SULF1: variants seen among roughly 807,000 people sequenced by gnomAD.
The protein encoded by SULF1 is sulfatase 1.
SULF1 carries 46 observed loss-of-function variants against 110.5 expected under a neutral mutation model. That is an observed-to-expected ratio of 0.42 (90% CI 0.33 to 0.53). SULF1 has a LOEUF of 0.53. Ranked by LOEUF, SULF1 falls within the 20% of genes least tolerant of loss-of-function variation. The pLI, the probability that SULF1 is intolerant of heterozygous loss-of-function variation, is 0.12. For synonymous variants in SULF1, 371 were observed against 387.1 expected (o/e 0.96, Z 0.49); for missense variants, 941 against 1,094.2 (o/e 0.86, Z 1.98).
intron 3 of SULF1, among the ~76,000 whole-genome samples, chr8:69,555,663 A>G (rs1815064803): frequency 6.6e-6 from 1 of 152,056 alleles, no homozygotes; most frequent in South Asian, 2.1e-4. Context: ...CTCAAAAAAA[A>G]AAAAGTATGC....
chr8:69,501,009 A>G (rs1275141232), intron 2 of SULF1, among the ~76,000 whole-genome samples: 1 of 152,202 alleles, frequency 6.6e-6, no homozygotes, highest in Non-Finnish European at 1.5e-5. Context: ...TTCCAGGCCT[A>G]TGGAGGGAAA....
At chr8:69,504,650 T>C (rs576079998) in intron 3 of SULF1, among the ~76,000 whole-genome samples, 11 of 152,358 alleles carry the variant, frequency 7.2e-5, no homozygotes, top group Non-Finnish European at 1.6e-4. Context: ...TGAAAATCTA[T>C]GGATTCTGTA....
intron 2 of SULF1, among the ~76,000 whole-genome samples, chr8:69,497,379 A>G (rs916088959): frequency 2.6e-5 from 4 of 151,792 alleles, no homozygotes; most frequent in Non-Finnish European, 4.4e-5. Context: ...GCTGATCTCA[A>G]ACTCCTGATC....
chr8:69,575,542 T>C (rs1049413873), intron 5 of SULF1, among the ~76,000 whole-genome samples: 1 of 152,006 alleles, frequency 6.6e-6, no homozygotes, highest in African/African-American at 2.4e-5. Context: ...ATTAAAATGC[T>C]ATAGTAGTAA....
chr8:69,651,051 C>CTTTTTTTTTTTTTTT (rs111556401), intron 22 of SULF1, among the ~76,000 whole-genome samples: 4 of 134,166 alleles, frequency 3.0e-5, no homozygotes, highest in Non-Finnish European at 3.3e-5. Context: ...TCTTTTTTTT[C>CTTTTTTTTTTTTTTT]TTTTCTTTTT....
intron 1 of SULF1, among the ~76,000 whole-genome samples, chr8:69,468,750 C>A (rs1452003802): frequency 6.6e-6 from 1 of 152,172 alleles, no homozygotes; most frequent in Admixed American, 6.5e-5. Context: ...ATGGTGCTAA[C>A]TACCAATACC....
chr8:69,592,981 T>C, intron 8 of SULF1: 2 of 987,140 alleles, frequency 2.0e-6, no homozygotes, highest in South Asian at 4.7e-5. Context: ...GTATGTGCTA[T>C]GGGTAAGTGC....
chr8:69,498,081 T>C (rs1810493215), intron 2 of SULF1, among the ~76,000 whole-genome samples: 1 of 150,702 alleles, frequency 6.6e-6, no homozygotes, highest in African/African-American at 2.5e-5. Flanking sequence ...CTGAGACTCA[T>C]GAGTGCTCTC....
intron 1 of SULF1, among the ~76,000 whole-genome samples, chr8:69,485,765 C>T (rs1468151040): frequency 6.6e-6 from 1 of 152,208 alleles, no homozygotes; most frequent in African/African-American, 2.4e-5. Context: ...TACAGTTTCA[C>T]ATTTGTAATC....
Position 69,503,197 on chromosome 8 carries a change from G to A in SULF1, c.-134+1229G>A, listed in dbSNP as rs552989990. Among the ~76,000 whole-genome samples, 139 of 152,246 alleles carry A rather than the reference G, an allele frequency of 9.1e-4. 1 individual carries two copies. Among genetic ancestry groups the A allele is most frequent in the Non-Finnish European group, 1.2e-3 (80 of 68,024 alleles). ...TTTGCCTTCATTCTACAAGTATTAC[G>A]TGAAGAAAGTGAATGGTTCAAAGTG... On this transcript the variant is annotated intron_variant, in intron 3 of 22. Coordinates refer to ENST00000402687, the MANE Select transcript of SULF1 (RefSeq NM_001128205.2).
At chr8:69,657,647 A>G (rs969202887) in intron 22 of SULF1, among the ~76,000 whole-genome samples, 2 of 152,144 alleles carry the variant, frequency 1.3e-5, no homozygotes, top group African/African-American at 4.8e-5. Flanking sequence ...AGATTGTAGG[A>G]TTCTCTATCT....
At chr8:69,541,316 G>A (rs1006214989) in intron 3 of SULF1, among the ~76,000 whole-genome samples, 3 of 152,170 alleles carry the variant, frequency 2.0e-5, no homozygotes, top group African/African-American at 4.8e-5. Flanking sequence ...AGGCAACATG[G>A]CACTTCCCCT....
intron 1 of SULF1, among the ~76,000 whole-genome samples, chr8:69,483,418 G>A (rs1198051665): frequency 6.6e-6 from 1 of 151,934 alleles, no homozygotes; most frequent in African/African-American, 2.4e-5. Context: ...CTAAGAAACA[G>A]GCTGTGAAGG....
intron 5 of SULF1, among the ~76,000 whole-genome samples, chr8:69,574,385 A>G (rs1015159457): frequency 1.3e-5 from 2 of 152,050 alleles, no homozygotes; most frequent in African/African-American, 4.8e-5. Flanking sequence ...ACTCGCTGCA[A>G]TCCCCCAATG....
intron 3 of SULF1, among the ~76,000 whole-genome samples, chr8:69,542,914 A>G (rs1813958379): frequency 1.3e-5 from 2 of 152,148 alleles, no homozygotes; most frequent in South Asian, 2.1e-4. Flanking sequence ...TGGCATCCAC[A>G]TTACACAGAA....
intron 3 of SULF1, among the ~76,000 whole-genome samples, chr8:69,531,530 T>C (rs1813082494): frequency 6.6e-6 from 1 of 152,162 alleles, no homozygotes; most frequent in African/African-American, 2.4e-5. Flanking sequence ...TTTTTTAATA[T>C]CATGTTATTT....
chr8:69,528,219 AT>A (rs1321834458), intron 3 of SULF1, among the ~76,000 whole-genome samples: 1 of 152,098 alleles, frequency 6.6e-6, no homozygotes, highest in Non-Finnish European at 1.5e-5. Flanking sequence ...CTTCTCTACC[AT>A]TTTCCCCACC....
chr8:69,544,199 G>A (rs565383170), intron 3 of SULF1, among the ~76,000 whole-genome samples: 1 of 152,070 alleles, frequency 6.6e-6, no homozygotes, highest in Non-Finnish European at 1.5e-5. Flanking sequence ...ATTAATTTGA[G>A]TTTTTGGAAT....
At chr8:69,485,460 G>A (rs141424445) in intron 1 of SULF1, among the ~76,000 whole-genome samples, 13 of 152,272 alleles carry the variant, frequency 8.5e-5, no homozygotes, top group African/African-American at 2.4e-4. Context: ...CCTCGTAGGC[G>A]CTGCCTGTTG....
Sources: allele counts gnomAD v4.1 joint callset (sites outside exome capture counted in the v4.1 genomes callset), GRCh38; gene constraint gnomAD v4.1.1; transcripts MANE v1.5; gene names NCBI Gene and HGNC (gene_info 2026-07-23, HGNC 2026-07-21).